The following EIF3E variants were observed in gnomAD, a reference collection of about 807,000 sequenced individuals.
EIF3E encodes the protein eukaryotic translation initiation factor 3 subunit E.
In EIF3E, 25 loss-of-function variants were observed where a neutral mutation model predicts 59.3. That is an observed-to-expected ratio of 0.42 (90% CI 0.31 to 0.59). EIF3E has a LOEUF of 0.59. Ranked by LOEUF, EIF3E falls within the 20% of genes least tolerant of loss-of-function variation. EIF3E has a pLI of 0.15. For synonymous variants in EIF3E, 176 were observed against 170.2 expected, an observed-to-expected ratio of 1.03 and a Z score of -0.26; for missense variants, 317 against 534.3, an observed-to-expected ratio of 0.59 and a Z score of 4.01.
chr8:108,222,455 A>G (rs917557691), intron 7 of EIF3E, among the ~76,000 whole-genome samples: 3 of 152,232 alleles, frequency 2.0e-5, no homozygotes, highest in Non-Finnish European at 4.4e-5. Context: ...AGGAAGGAAT[A>G]GGAGTGGAGA....
chr8:108,246,728 C>A (rs1385713081), intron 1 of EIF3E, among the ~76,000 whole-genome samples: 2 of 152,142 alleles, frequency 1.3e-5, no homozygotes, highest in African/African-American at 4.8e-5. Flanking sequence ...CCTCCTTTTA[C>A]TCCTCCTCCT....
At chr8:108,220,062 G>C (rs1815379360) in intron 7 of EIF3E, among the ~76,000 whole-genome samples, 1 of 151,900 alleles carries the variant, frequency 6.6e-6, no homozygotes, top group Non-Finnish European at 1.5e-5. Context: ...AGAATCACTT[G>C]AACCCGGGAG....
chr8:108,220,672 T>C (rs1815394149), intron 7 of EIF3E, among the ~76,000 whole-genome samples: 1 of 152,246 alleles, frequency 6.6e-6, no homozygotes, highest in African/African-American at 2.4e-5. Context: ...GATAACGGGT[T>C]GGGGGCACTT....
At chr8:108,221,120 GA>G (rs1204230971) in intron 7 of EIF3E, among the ~76,000 whole-genome samples, 1 of 151,776 alleles carries the variant, frequency 6.6e-6, no homozygotes, top group Non-Finnish European at 1.5e-5. Flanking sequence ...GGAAAAGAAA[GA>G]AAAGGAAAGA....
At chr8:108,236,312 T>C in intron 3 of EIF3E, 109 bp from the exon 4 acceptor site, 1 of 702,018 alleles carries the variant, frequency 1.4e-6, no homozygotes, top group East Asian at 2.9e-5. Flanking sequence ...AAATAAATAC[T>C]TAAATGTTAA....
chr8:108,201,868 C>G lies in EIF3E; in HGVS notation c.*17G>C. 1 of 1,462,838 alleles carries G rather than the reference C, an allele frequency of 6.8e-7. No individual in the cohort carries two copies. Among genetic ancestry groups the G allele is most frequent in the African/African-American group, 1.5e-5 (1 of 68,224 alleles). The allele number at this position is 1,462,838 out of a possible 1,614,324, so 90.6% of individuals were successfully genotyped here. A position where few individuals can be genotyped will look rare whatever the true frequency, so the allele number is the denominator to read the frequency against. On this transcript the variant is annotated 3_prime_UTR_variant, in exon 13 of 13. Transcript: ENST00000220849. ...TTTCTTTGATAGTTTTTTTTTTCATCTTTTCTTTATGGTTCTTCAGTAGAA... is the reference window on the plus strand; with the variant it reads ...TTTCTTTGATAGTTTTTTTTTTCATGTTTTCTTTATGGTTCTTCAGTAGAA...
In EIF3E at chr8:108,203,419, G is replaced by C. The variant is rs776174019; in HGVS notation, c.1146C>G (p.Ala382=). 6.2e-7 allele frequency: 1 copy of C among 1,611,546 alleles called. No homozygotes were observed. The highest frequency in any genetic ancestry group is 8.5e-7 in the Non-Finnish European group (1 of 1,178,540). Reference sequence around the variant, plus strand: ...TACTCACTAATTTAGAATCAATCTTGGCATCCAGTCTTGCATTTCTAATCA... The same window carrying C: ...TACTCACTAATTTAGAATCAATCTTCGCATCCAGTCTTGCATTTCTAATCA... ...VNLIRNARLD[A]KIDSKLGHVV... The change falls in exon 11 of 13, where the codon GCC becomes GCG. Residue 382 remains alanine, a synonymous_variant. Transcript: ENST00000220849.
intron 10 of EIF3E, among the ~76,000 whole-genome samples, chr8:108,213,328 G>T (rs1436892191): frequency 1.3e-5 from 2 of 152,100 alleles, no homozygotes; most frequent in African/African-American, 4.8e-5. Flanking sequence ...ACTAATAACA[G>T]AAGAAATTTA....
rs550781159 is a variant in EIF3E at position 108,202,021 on chromosome 8, T to C, written c.1300-98A>G. 27 of 1,146,998 alleles carry C rather than the reference T, an allele frequency of 2.4e-5. No individual in the cohort carries two copies. The South Asian group carries it at 2.8e-4, about 12-fold the overall frequency. 71.1% of individuals were successfully genotyped at this position (1,146,998 alleles called of 1,614,324 possible). On this transcript the variant is annotated intron_variant, in intron 12 of 12. Coordinates refer to ENST00000220849, the MANE Select transcript of EIF3E (RefSeq NM_001568.3). ...TAACACAGCATTTACTTCAGCACTA[T>C]AGTCTCTTGCCAAACCATTCTAAGA... is the stretch of plus-strand genomic sequence containing the variant.
chr8:108,233,836 C>CAAA (rs35065360), intron 5 of EIF3E, among the ~76,000 whole-genome samples: 2 of 74,022 alleles, frequency 2.7e-5, no homozygotes, highest in Non-Finnish European at 4.8e-5. Flanking sequence ...GACCCTGTCT[C>CAAA]AAAAAAAAAA....
intron 1 of EIF3E, among the ~76,000 whole-genome samples, chr8:108,244,357 G>A (rs187855326): frequency 4.9e-4 from 75 of 152,236 alleles, no homozygotes; most frequent in Non-Finnish European, 8.1e-4. Flanking sequence ...CTGATCCGTC[G>A]TCTATCAACC....
chr8:108,204,716 A>C, intron 10 of EIF3E, among the ~76,000 whole-genome samples: 1 of 139,788 alleles, frequency 7.2e-6, no homozygotes, highest in Non-Finnish European at 1.6e-5. Context: ...GCTATATACT[A>C]TATATAGTAT....
At chr8:108,217,496 C>T in intron 7 of EIF3E, 36 bp from the exon 8 acceptor site, 2 of 1,535,462 alleles carry the variant, frequency 1.3e-6, no homozygotes, top group African/African-American at 1.4e-5. Context: ...AATAACTTAC[C>T]CAGGGTGAGA....
rs183875074 is a variant in EIF3E, at chr8:108,236,600, C to T, written c.324-397G>A. Among the ~76,000 whole-genome samples, 4 of 152,228 alleles carry T rather than the reference C, an allele frequency of 2.6e-5. No homozygotes were observed. In the East Asian group the frequency reaches 5.8e-4, roughly 22 times the overall value. On this transcript the variant is annotated intron_variant, in intron 3 of 12. Coordinates refer to ENST00000220849, the MANE Select transcript of EIF3E (RefSeq NM_001568.3). The stretch of plus-strand genomic sequence containing the variant: ...TCAAATTTCTAATAGATAATATAGT[C>T]TAATTATAGAGACTGAAATAAATGT...
intron 9 of EIF3E, among the ~76,000 whole-genome samples, chr8:108,215,617 GA>G (rs1438479950): frequency 6.6e-6 from 1 of 151,652 alleles, no homozygotes; most frequent in East Asian, 1.9e-4. Context: ...GACTCTGTCT[GA>G]AAAAAAATAA....
intron 10 of EIF3E, among the ~76,000 whole-genome samples, 171 bp from the exon 11 acceptor site, chr8:108,203,674 T>C (rs532037095): frequency 6.6e-6 from 1 of 152,206 alleles, no homozygotes; most frequent in East Asian, 1.9e-4. Flanking sequence ...TTGTGCCTAT[T>C]GACTTGTACT....
chr8:108,224,033 C>T (rs1297348958), intron 7 of EIF3E, among the ~76,000 whole-genome samples: 1 of 150,156 alleles, frequency 6.7e-6, no homozygotes, highest in Non-Finnish European at 1.5e-5. Flanking sequence ...CTGGCTAACA[C>T]GGTGAAACCC....
chr8:108,244,483 C>T (rs1449092726), intron 1 of EIF3E, among the ~76,000 whole-genome samples: 7 of 152,124 alleles, frequency 4.6e-5, no homozygotes, highest in African/African-American at 1.7e-4. Flanking sequence ...AGCTTGAGCC[C>T]TAAAATTCCT....
At chr8:108,210,092 CT>C (rs1010288597) in intron 10 of EIF3E, among the ~76,000 whole-genome samples, 35 of 150,282 alleles carry the variant, frequency 2.3e-4, no homozygotes, top group African/African-American at 8.6e-4. Context: ...CTTAGAGGAC[CT>C]TTTTTTAAAA....
Sources: allele counts gnomAD v4.1 joint callset (sites outside exome capture counted in the v4.1 genomes callset), GRCh38; gene constraint gnomAD v4.1.1; transcripts MANE v1.5; gene names NCBI Gene and HGNC (gene_info 2026-07-23, HGNC 2026-07-21).